CAST: variants seen among roughly 807,000 people sequenced by gnomAD.
The protein encoded by CAST is calpastatin, also known as MIR583 host.
A neutral mutation model predicts 119.6 loss-of-function variants in CAST; 76 were observed. That is an observed-to-expected ratio of 0.64 (90% confidence interval 0.53 to 0.77). CAST has a LOEUF of 0.77. CAST is among the 30% of genes least tolerant of loss of function. CAST has a pLI of 0.00. For missense variants in CAST, 953 were observed against 946.5 expected (o/e 1.01, Z -0.09); for synonymous variants, 319 against 331.6 (o/e 0.96, Z 0.41).
the CAST span, among the ~76,000 whole-genome samples, chr5:96,454,431 A>C: frequency 6.6e-6 from 1 of 152,210 alleles, no homozygotes; most frequent in African/African-American, 2.4e-5. Flanking sequence ...GCTGGTATTG[A>C]CTGGCAACCG....
the CAST span, among the ~76,000 whole-genome samples, chr5:95,981,109 C>T: frequency 1.3e-5 from 2 of 152,134 alleles, no homozygotes; most frequent in South Asian, 2.1e-4. Context: ...AGCTGAGAAC[C>T]CCACCCCAGC....
intron 1 of CAST, among the ~76,000 whole-genome samples, chr5:96,542,277 C>T (rs1745927709): frequency 6.9e-6 from 1 of 144,826 alleles, no homozygotes; most frequent in African/African-American, 2.6e-5. Flanking sequence ...CGCCACTGCA[C>T]TCCAGCCTGG....
rs949681247 is a variant in CAST, at chr5:96,773,963, C to T, written c.*1347C>T. The stretch of plus-strand genomic sequence containing the variant: ...GGCACCACATCTTGTTAACCTCCCC[C>T]CCAAATACTCTCTGAAAGTCATGCA... On this transcript the variant is annotated 3_prime_UTR_variant, in exon 32 of 32. Transcript: ENST00000675179. 1 of 152,204 alleles carries T rather than the reference C, an allele frequency of 6.6e-6. No individual in the cohort carries two copies. The highest frequency in any genetic ancestry group is 1.5e-5 in the Non-Finnish European group (1 of 68,034). 9.4% of individuals were successfully genotyped at this position (152,204 alleles called of 1,614,324 possible).
chr5:96,397,728 T>C, the CAST span, among the ~76,000 whole-genome samples: 1 of 152,258 alleles, frequency 6.6e-6, no homozygotes, highest in East Asian at 1.9e-4. Flanking sequence ...AATGAATGAA[T>C]GAATGAAAAT....
intron 1 of CAST, among the ~76,000 whole-genome samples, chr5:96,580,980 T>C (rs1211116057): frequency 6.6e-6 from 1 of 152,250 alleles, no homozygotes; most frequent in African/African-American, 2.4e-5. Context: ...GCACCATCTA[T>C]GAGAAAGCAG....
chr5:96,489,326 G>C, the CAST span, among the ~76,000 whole-genome samples: 5 of 152,174 alleles, frequency 3.3e-5, no homozygotes, highest in Non-Finnish European at 7.3e-5. Flanking sequence ...TCTTCCATCA[G>C]TAAAGAAATT....
At chr5:96,596,549 A>C (rs1747054219) in intron 1 of CAST, among the ~76,000 whole-genome samples, 1 of 152,232 alleles carries the variant, frequency 6.6e-6, no homozygotes, top group African/African-American at 2.4e-5. Flanking sequence ...ATAGGAAACT[A>C]AAACCAGCAA....
the CAST span, among the ~76,000 whole-genome samples, chr5:95,971,294 T>C: frequency 6.6e-6 from 1 of 152,202 alleles, no homozygotes; most frequent in African/African-American, 2.4e-5. Flanking sequence ...TGTAAGCATA[T>C]AGGCTTGCAC....
the CAST span, among the ~76,000 whole-genome samples, chr5:96,153,354 C>T: frequency 3.3e-5 from 5 of 152,156 alleles, no homozygotes; most frequent in Non-Finnish European, 5.9e-5. Context: ...TGAACACGTG[C>T]TGACTTGAGA....
At chr5:96,676,971 G>A (rs182372577) in intron 2 of CAST, among the ~76,000 whole-genome samples, 18 of 151,342 alleles carry the variant, frequency 1.2e-4, no homozygotes, top group African/African-American at 3.4e-4. Context: ...GGAGAATCGC[G>A]TGAACCTGGG....
At chr5:96,742,813 A>G in intron 16 of CAST, 57 bp downstream of exon 16, 1 of 1,147,192 alleles carries the variant, frequency 8.7e-7, no homozygotes, top group East Asian at 2.4e-5. Context: ...ACAAAACCGA[A>G]TGCACTCTGC....
At chr5:96,046,293 G>C in the CAST span, among the ~76,000 whole-genome samples, 2 of 152,110 alleles carry the variant, frequency 1.3e-5, no homozygotes, top group African/African-American at 4.8e-5. Context: ...ATGGGTGACA[G>C]GATCTTGAAT....
chr5:95,980,491 T>G, the CAST span: 3 of 152,200 alleles, frequency 2.0e-5, no homozygotes, highest in African/African-American at 7.2e-5. Flanking sequence ...GCTACATCAC[T>G]TGTGAGGCCC....
the CAST span, among the ~76,000 whole-genome samples, chr5:96,407,765 C>T: frequency 6.6e-6 from 1 of 152,194 alleles, no homozygotes; most frequent in Admixed American, 6.5e-5. Context: ...ATATCAGCTC[C>T]AGGACTAGGC....
At chr5:96,572,980 C>T (rs1346497924) in intron 1 of CAST, among the ~76,000 whole-genome samples, 1 of 152,136 alleles carries the variant, frequency 6.6e-6, no homozygotes, top group Non-Finnish European at 1.5e-5. Flanking sequence ...TAGAAGTAAA[C>T]CAGGCAGGGA....
chr5:96,433,312 A>G, the CAST span: 3 of 494,850 alleles, frequency 6.1e-6, no homozygotes, highest in Admixed American at 6.5e-5. Flanking sequence ...GACGAAAGCC[A>G]TCTCTTGACG....
At chr5:95,994,938 C>G in the CAST span, among the ~76,000 whole-genome samples, 1 of 152,132 alleles carries the variant, frequency 6.6e-6, no homozygotes, top group African/African-American at 2.4e-5. Context: ...AAATATCACA[C>G]TGGGCAATAT....
At chr5:96,395,807 G>T in the CAST span, among the ~76,000 whole-genome samples, 3 of 149,036 alleles carry the variant, frequency 2.0e-5, no homozygotes, top group Admixed American at 6.8e-5. Context: ...CTAAATAAAA[G>T]AGGTCTATAA....
chr5:96,012,695 A>G, the CAST span, among the ~76,000 whole-genome samples: 18 of 152,174 alleles, frequency 1.2e-4, no homozygotes, highest in Non-Finnish European at 2.2e-4. Flanking sequence ...CTGGTTGTCT[A>G]GTTATCAACT....
Sources: allele counts gnomAD v4.1 joint callset (sites outside exome capture counted in the v4.1 genomes callset), GRCh38; gene constraint gnomAD v4.1.1; transcripts MANE v1.5; gene names NCBI Gene and HGNC (gene_info 2026-07-23, HGNC 2026-07-21).